SLC39A11: variants seen among roughly 807,000 people sequenced by gnomAD.
SLC39A11 encodes the protein zinc transporter ZIP11.
A neutral mutation model predicts 36.1 loss-of-function variants in SLC39A11; 33 were observed. The ratio of observed to expected loss-of-function variants is 0.91; its 90% CI spans 0.69 to 1.22. The LOEUF is 1.22. Among genes scored for constraint, SLC39A11 ranks in the 50% most tolerant of loss-of-function variants. SLC39A11 has a pLI of 0.00. For missense variants in SLC39A11, 432 were observed against 430.3 expected (o/e 1.00, Z -0.03); for synonymous variants, 166 against 170.3 (o/e 0.97, Z 0.20).
chr17:72,830,790 A>C (rs1377723518), intron 6 of SLC39A11, among the ~76,000 whole-genome samples: 1 of 152,120 alleles, frequency 6.6e-6, no homozygotes, highest in Non-Finnish European at 1.5e-5. Flanking sequence ...CACTCCTCTG[A>C]GTTCCTTAGT....
At chr17:72,794,076 T>C (rs1184253473) in intron 6 of SLC39A11, among the ~76,000 whole-genome samples, 1 of 152,182 alleles carries the variant, frequency 6.6e-6, no homozygotes, top group African/African-American at 2.4e-5. Flanking sequence ...CTGAGGTTTG[T>C]GGCATTCTCC....
intron 4 of SLC39A11, among the ~76,000 whole-genome samples, chr17:72,948,409 T>TCGCCGCACGCACACAAAACCC (rs1281584838): frequency 1.3e-5 from 2 of 151,444 alleles, no homozygotes; most frequent in African/African-American, 2.4e-5. Flanking sequence ...GCAAGCATCA[T>TCGCCGCACGCACACAAAACCC]CACTGCCGGG....
Position 72,795,228 on chromosome 17 carries a change from T to C in SLC39A11, c.601+54406A>G, listed in dbSNP as rs545802081. ...CTGGATGGCCCTGGCTCGGGGTCTG[T>C]CATGAGGCTTCAGTCATGACAGTAG... On this transcript the variant is annotated intron_variant, in intron 6 of 9. Coordinates refer to ENST00000255559, the MANE Select transcript of SLC39A11 (RefSeq NM_139177.4). 5.3e-5 allele frequency among the ~76,000 whole-genome samples: 8 copies of C among 152,118 alleles called. 1 individual carries two copies. Among genetic ancestry groups the C allele is most frequent in the Admixed American group, 5.2e-4 (8 of 15,296 alleles).
intron 5 of SLC39A11, among the ~76,000 whole-genome samples, chr17:72,919,109 G>A (rs11649773): frequency 0.26 from 39,372 of 151,804 alleles, 5,344 homozygotes; most frequent in Non-Finnish European, 0.28. Context: ...AACCCAATTC[G>A]GACCTCCAAA....
intron 5 of SLC39A11, among the ~76,000 whole-genome samples, chr17:72,897,895 A>T (rs745675763): frequency 4.6e-5 from 7 of 152,146 alleles, no homozygotes; most frequent in Non-Finnish European, 8.8e-5. Context: ...AAGATTACCC[A>T]AGAGAAGAGG....
chr17:73,005,215 C>T (rs1486740575), intron 4 of SLC39A11, among the ~76,000 whole-genome samples: 4 of 152,128 alleles, frequency 2.6e-5, no homozygotes, highest in South Asian at 2.1e-4. Context: ...TGACCTCAGA[C>T]GATCCGCCAA....
At chr17:72,756,475 C>T (rs771429830) in intron 6 of SLC39A11, among the ~76,000 whole-genome samples, 5 of 152,240 alleles carry the variant, frequency 3.3e-5, no homozygotes, top group Non-Finnish European at 5.9e-5. Context: ...AATGCTGACA[C>T]ATGCTATAAC....
chr17:72,848,002 G>T (rs1181650401), intron 6 of SLC39A11, among the ~76,000 whole-genome samples: 2 of 152,208 alleles, frequency 1.3e-5, no homozygotes, highest in Non-Finnish European at 2.9e-5. Context: ...AACAACAAAA[G>T]GTGGGTCAGC....
chr17:73,028,257 A>C (rs903105), intron 4 of SLC39A11, among the ~76,000 whole-genome samples: 147,968 of 152,088 alleles, frequency 0.97, 72,093 homozygotes, highest in Middle Eastern at 1. Flanking sequence ...CCCTGCTCCT[A>C]CCCTGTTAGA....
chr17:72,741,107 T>G (rs1487211981), intron 6 of SLC39A11, among the ~76,000 whole-genome samples: 1 of 152,190 alleles, frequency 6.6e-6, no homozygotes, highest in African/African-American at 2.4e-5. Flanking sequence ...CCCGCAACAC[T>G]TGAGCTCACT....
intron 4 of SLC39A11, among the ~76,000 whole-genome samples, chr17:73,004,337 A>G (rs539294270): frequency 1.3e-5 from 2 of 152,338 alleles, no homozygotes; most frequent in East Asian, 1.9e-4. Context: ...GGGTGCCAGC[A>G]TCATCAGGTT....
intron 6 of SLC39A11, among the ~76,000 whole-genome samples, chr17:72,805,622 G>T (rs896917362): frequency 2.0e-5 from 3 of 152,182 alleles, no homozygotes; most frequent in African/African-American, 7.2e-5. Context: ...TCCGTCCATG[G>T]GCTTGGATTT....
chr17:72,678,321 C>T (rs1446945820), intron 7 of SLC39A11, among the ~76,000 whole-genome samples: 2 of 152,024 alleles, frequency 1.3e-5, no homozygotes, highest in Admixed American at 6.6e-5. Flanking sequence ...TGGGAAAATA[C>T]CTTCCCTGTG....
chr17:72,737,571 G>T (rs1294097251), intron 6 of SLC39A11, among the ~76,000 whole-genome samples: 1 of 152,202 alleles, frequency 6.6e-6, no homozygotes. Flanking sequence ...GCAGACATAG[G>T]TGTCTTTAGT....
chr17:72,859,785 G>A (rs78234760), intron 5 of SLC39A11, among the ~76,000 whole-genome samples: 30 of 140,034 alleles, frequency 2.1e-4, no homozygotes, highest in African/African-American at 7.6e-4. Context: ...TCAGGAGATC[G>A]AGACCATCCT....
intron 4 of SLC39A11, among the ~76,000 whole-genome samples, chr17:72,960,463 G>C (rs1231071750): frequency 2.0e-5 from 3 of 152,032 alleles, no homozygotes; most frequent in African/African-American, 7.2e-5. Flanking sequence ...ACCAGCTGGA[G>C]ATTACAAAAA....
chr17:73,033,686 G>A (rs746349366), intron 3 of SLC39A11, among the ~76,000 whole-genome samples: 5 of 152,298 alleles, frequency 3.3e-5, no homozygotes, highest in African/African-American at 4.8e-5. Flanking sequence ...ACCACCCATC[G>A]TAACTATACG....
intron 5 of SLC39A11, among the ~76,000 whole-genome samples, chr17:72,850,062 C>G (rs1230255009): frequency 6.6e-6 from 1 of 152,098 alleles, no homozygotes; most frequent in African/African-American, 2.4e-5. Flanking sequence ...AAAAAGGACC[C>G]ACGTCACAAT....
intron 5 of SLC39A11, among the ~76,000 whole-genome samples, chr17:72,942,525 AG>A (rs2085178283): frequency 6.6e-6 from 1 of 152,186 alleles, no homozygotes; most frequent in African/African-American, 2.4e-5. Flanking sequence ...AATTTCTCCT[AG>A]GAGTTACACC....
Sources: allele counts gnomAD v4.1 joint callset (sites outside exome capture counted in the v4.1 genomes callset), GRCh38; gene constraint gnomAD v4.1.1; transcripts MANE v1.5; gene names NCBI Gene and HGNC (gene_info 2026-07-23, HGNC 2026-07-21).